Variants in FYB1 observed in about 807,000 individuals in gnomAD.
The protein encoded by FYB1 is FYN-binding protein 1.
In FYB1, 41 loss-of-function variants were observed where a neutral mutation model predicts 94.1. That is an observed-to-expected ratio of 0.44 (90% CI 0.34 to 0.57). The LOEUF is 0.57. FYB1 is among the 20% of genes least tolerant of loss of function. The pLI is 0.02. For missense variants in FYB1, 1,050 were observed against 976.8 expected, an observed-to-expected ratio of 1.07 and a Z score of -1.00; for synonymous variants, 367 against 353.2, an observed-to-expected ratio of 1.04 and a Z score of -0.44.
intron 2 of FYB1, among the ~76,000 whole-genome samples, chr5:39,198,817 C>T (rs574688006): frequency 5.3e-5 from 8 of 151,964 alleles, no homozygotes; most frequent in East Asian, 1.9e-4. Context: ...GGATGTAACC[C>T]GATCACAAGT....
rs377231491 is a variant in FYB1, at chr5:39,141,894, C to T, written c.1293-753G>A. Among the ~76,000 whole-genome samples, 5 of 151,076 alleles carry T rather than the reference C, an allele frequency of 3.3e-5. No homozygotes were observed. The East Asian group carries it at 7.8e-4, about 24-fold the overall frequency. On this transcript the variant is annotated intron_variant, in intron 3 of 18. Transcript: ENST00000512982. ...CTCAGAAAAAAAAAAAAAAAACTTA[C>T]ATAGTTCCAATCCCTGACTCCTTCC... is the stretch of plus-strand genomic sequence containing the variant.
At chr5:39,230,349 A>G (rs1750666087) in intron 1 of FYB1, among the ~76,000 whole-genome samples, 1 of 152,148 alleles carries the variant, frequency 6.6e-6, no homozygotes, top group Non-Finnish European at 1.5e-5. Flanking sequence ...CGAGGAATGC[A>G]GGCAGCCTTT....
At chr5:39,201,744 G>T in intron 2 of FYB1, 82 bp downstream of exon 2, 1 of 1,250,362 alleles carries the variant, frequency 8.0e-7, no homozygotes, top group Non-Finnish European at 1.1e-6. Context: ...ATCATTCCTT[G>T]TTACAAAACT....
At chr5:39,182,286 CATGTGTGTGTGTGTGTGTGTGT>C (rs1344295015) in intron 2 of FYB1, among the ~76,000 whole-genome samples, 1 of 99,146 alleles carries the variant, frequency 1.0e-5, no homozygotes, top group Non-Finnish European at 2.0e-5. Flanking sequence ...TGTGTGCATG[CATGTGTGTGTGTGTGTGTGTGT>C]GTGTGTGTGT....
chr5:39,218,296 T>C (rs1750036205), intron 1 of FYB1, among the ~76,000 whole-genome samples: 1 of 152,186 alleles, frequency 6.6e-6, no homozygotes, highest in Non-Finnish European at 1.5e-5. Context: ...TGTGGTTTTA[T>C]TGGAAAGAGC....
At chr5:39,171,337 T>C (rs1330025441) in intron 2 of FYB1, among the ~76,000 whole-genome samples, 2 of 152,076 alleles carry the variant, frequency 1.3e-5, no homozygotes, top group African/African-American at 4.8e-5. Context: ...TTTCTTCTAT[T>C]ATAGTATAGA....
At chr5:39,132,458 T>G (rs1741285340) in intron 9 of FYB1, among the ~76,000 whole-genome samples, 1 of 152,194 alleles carries the variant, frequency 6.6e-6, no homozygotes, top group Non-Finnish European at 1.5e-5. Context: ...TAGTAAATAT[T>G]GTGGGGCTAT....
At chr5:39,154,884 G>C (rs12187124) in intron 2 of FYB1, among the ~76,000 whole-genome samples, 2 of 151,886 alleles carry the variant, frequency 1.3e-5, no homozygotes, top group Admixed American at 1.3e-4. Context: ...GAGCCACCTC[G>C]CCCGGCCTCC....
intron 17 of FYB1, among the ~76,000 whole-genome samples, chr5:39,108,629 T>A (rs1187373225): frequency 6.6e-6 from 1 of 152,132 alleles, no homozygotes; most frequent in East Asian, 1.9e-4. Context: ...ATCAGATTCA[T>A]ACTTTCACTT....
chr5:39,266,548 G>A (rs545167444), intron 1 of FYB1, among the ~76,000 whole-genome samples: 1 of 152,276 alleles, frequency 6.6e-6, no homozygotes, highest in African/African-American at 2.4e-5. Context: ...GCAATAAAAC[G>A]TGAATTTCCT....
chr5:39,170,490 A>G (rs542139245), intron 2 of FYB1, among the ~76,000 whole-genome samples: 3 of 152,124 alleles, frequency 2.0e-5, no homozygotes, highest in African/African-American at 7.2e-5. Context: ...CCTACATCCA[A>G]TACATGAGAA....
chr5:39,264,535 C>G (rs1439902544), intron 1 of FYB1, among the ~76,000 whole-genome samples: 1 of 152,224 alleles, frequency 6.6e-6, no homozygotes, highest in Non-Finnish European at 1.5e-5. Context: ...TTGTCACTCT[C>G]TTCTTCTCTT....
At chr5:39,148,044 G>A (rs1379385784) in intron 3 of FYB1, among the ~76,000 whole-genome samples, 6 of 147,996 alleles carry the variant, frequency 4.1e-5, no homozygotes, top group Admixed American at 2.0e-4. Flanking sequence ...TACACCCTAG[G>A]GAGAATTGTA....
rs190807056 is a variant in FYB1 at position 39,153,403 on chromosome 5, C to T, written c.1292+45G>A. On this transcript the variant is annotated intron_variant, in intron 3 of 18. Coordinates refer to ENST00000512982, the MANE Select transcript of FYB1 (RefSeq NM_001465.6). ...TGACCAAGCACAGTTTGAAAATCTA[C>T]GGCAAGAGACTAGGAAAGAAATCGC... 324 of 1,600,630 alleles carry T rather than the reference C, an allele frequency of 2.0e-4. 1 individual carries two copies. Among genetic ancestry groups the T allele is most frequent in the Middle Eastern group, 8.3e-4 (5 of 6,028 alleles).
intron 2 of FYB1, among the ~76,000 whole-genome samples, chr5:39,177,274 T>A (rs1292727297): frequency 6.6e-6 from 1 of 152,154 alleles, no homozygotes; most frequent in African/African-American, 2.4e-5. Flanking sequence ...CTTCTTACTA[T>A]TGTGCGCCTG....
chr5:39,124,289 A>C lies in FYB1; in HGVS notation c.2046-11T>G. On this transcript the variant is annotated splice_polypyrimidine_tract_variant and intron_variant, in intron 12 of 18. Coordinates refer to ENST00000512982, the MANE Select transcript of FYB1 (RefSeq NM_001465.6). ...GGAGGAGCAGGGAAACTACAAAGAA[A>C]GTGAGAACACAATTATAATCAGACT... 9 of 1,547,098 alleles carry C rather than the reference A, an allele frequency of 5.8e-6. No individual in the cohort carries two copies. The South Asian group carries it at 1.1e-4, about 19-fold the overall frequency.
intron 1 of FYB1, chr5:39,212,905 A>G (rs928606241): frequency 3.4e-5 from 5 of 148,746 alleles, no homozygotes; most frequent in Non-Finnish European, 7.4e-5. Flanking sequence ...TGTTCTAGAG[A>G]CTCCTTGCTT....
intron 1 of FYB1, among the ~76,000 whole-genome samples, chr5:39,247,937 T>C (rs910366814): frequency 8.2e-6 from 1 of 121,430 alleles, no homozygotes; most frequent in Non-Finnish European, 1.9e-5. Context: ...CTGCTTTCTC[T>C]TCTTTGAGGT....
intron 1 of FYB1, among the ~76,000 whole-genome samples, chr5:39,255,430 GTTTT>G (rs113241046): frequency 1.4e-5 from 2 of 142,892 alleles, no homozygotes; most frequent in Non-Finnish European, 1.5e-5. Context: ...CCATTCACCT[GTTTT>G]TTTTTTTTTG....
Sources: gnomAD v4.1 joint callset for allele counts (sites outside exome capture counted in the v4.1 genomes callset) on GRCh38, gnomAD v4.1.1 for gene constraint, MANE v1.5 for transcripts, NCBI Gene and HGNC (gene_info 2026-07-23, HGNC 2026-07-21) for gene names.